Variants in UBXN7 observed in about 807,000 individuals in gnomAD.
UBXN7 encodes the protein UBX domain protein 7.
Under a neutral mutation model 58.0 loss-of-function variants are expected in UBXN7, and 9 were observed. That is an observed-to-expected ratio of 0.16 (90% confidence interval 0.09 to 0.27). UBXN7 has a LOEUF of 0.27. UBXN7 is among the 10% of genes least tolerant of loss of function. UBXN7 has a pLI of 1.00. For synonymous variants in UBXN7, 208 were observed against 205.0 expected (o/e 1.01, Z -0.12); for missense variants, 328 against 599.6 (o/e 0.55, Z 4.73).
At chr3:196,413,335 T>C (rs1042315276) in intron 1 of UBXN7, among the ~76,000 whole-genome samples, 1 of 151,880 alleles carries the variant, frequency 6.6e-6, no homozygotes, top group African/African-American at 2.4e-5. Context: ...CGAAACTCTG[T>C]CTCAAAAAAA....
At chr3:196,414,711 T>G (rs916731365) in intron 1 of UBXN7, 2 of 152,200 alleles carry the variant, frequency 1.3e-5, no homozygotes, top group Non-Finnish European at 2.9e-5. Context: ...TATATACTTT[T>G]CCATTGAGTC....
intron 1 of UBXN7, among the ~76,000 whole-genome samples, chr3:196,410,043 G>A (rs1397816369): frequency 3.3e-5 from 5 of 151,154 alleles, no homozygotes; most frequent in East Asian, 3.9e-4. Flanking sequence ...GGGTTCAAGC[G>A]ATTCTCCTGT....
chr3:196,391,670 G>T, intron 5 of UBXN7, 143 bp downstream of exon 5: 1 of 547,866 alleles, frequency 1.8e-6, no homozygotes, highest in Non-Finnish European at 3.2e-6. Flanking sequence ...AGAGTTCAAG[G>T]CTGCAGTGAG....
chr3:196,416,345 T>G (rs1221062357), intron 1 of UBXN7: 2 of 151,892 alleles, frequency 1.3e-5, no homozygotes, highest in Non-Finnish European at 2.9e-5. Flanking sequence ...GCGGGAGAAT[T>G]ACTTGAACCC....
intron 3 of UBXN7, among the ~76,000 whole-genome samples, chr3:196,401,248 CAAAAAAAAAAA>C (rs35766312): frequency 6.6e-3 from 15 of 2,274 alleles, no homozygotes; most frequent in Non-Finnish European, 0.012. Context: ...CCCGTCTCTC[CAAAAAAAAAAA>C]AAAAAAAAAA....
In UBXN7 at chr3:196,362,441, C is replaced by T; in HGVS notation, c.1081G>A (p.Glu361Lys). 6.2e-7 allele frequency: 1 copy of T among 1,614,168 alleles called. No homozygotes were observed. The highest frequency in any genetic ancestry group is 8.5e-7 in the Non-Finnish European group (1 of 1,180,040). ...GGCTCAGTCAGCGGCCTTCTATTCTCCTCTTTTCTATGCCCCAAATCTTTG... is the reference window on the plus strand; with the variant it reads ...GGCTCAGTCAGCGGCCTTCTATTCTTCTCTTTTCTATGCCCCAAATCTTTG... ...PHKDLGHRKE[E>K]NRRPLTEPPV... Residue 361 changes from glutamate to lysine, a missense_variant, in exon 9 of 11, where the codon GAG becomes AAG. By Grantham distance (56) the Glu-to-Lys change is moderately conservative. This residue lies in a region of UBXN7 where 66 missense variants were observed against 77.9 expected (regional missense o/e 0.85). Transcript: ENST00000296328.
In UBXN7 at chr3:196,393,494, T is replaced by C; in HGVS notation, c.355+60A>G. ...AAGTAATTGGGCCTAATAGTAATCA[T>C]CTTTGTCTTTTTAATAGGAAGAGAA... is the stretch of plus-strand genomic sequence containing the variant. On this transcript the variant is annotated intron_variant, in intron 4 of 10. Transcript: ENST00000296328. The C allele has an allele frequency of 2.0e-6, 3 of 1,512,240 alleles. No individual in the cohort carries two copies. In the South Asian group the frequency reaches 3.6e-5, roughly 18 times the overall value. 93.7% of individuals were successfully genotyped at this position (1,512,240 alleles called of 1,614,324 possible). A position where few individuals can be genotyped will look rare whatever the true frequency, so the allele number is the denominator to read the frequency against.
At chr3:196,378,266 A>G (rs541230014) in intron 5 of UBXN7, among the ~76,000 whole-genome samples, 1 of 152,250 alleles carries the variant, frequency 6.6e-6, no homozygotes, top group South Asian at 2.1e-4. Context: ...TCCAGTTTTT[A>G]ACTAAGCATC....
At chr3:196,415,829 G>A (rs1730464105) in intron 1 of UBXN7, among the ~76,000 whole-genome samples, 1 of 151,342 alleles carries the variant, frequency 6.6e-6, no homozygotes, top group Non-Finnish European at 1.5e-5. Context: ...TTTTAATTTA[G>A]ACAGCAGCTA....
At chr3:196,428,121 C>T (rs1730907199) in intron 1 of UBXN7, among the ~76,000 whole-genome samples, 1 of 149,918 alleles carries the variant, frequency 6.7e-6, no homozygotes, top group Admixed American at 6.6e-5. Context: ...GAAATTCTGT[C>T]GAAAACAAAA....
chr3:196,398,988 T>C (rs1431834982), intron 3 of UBXN7, among the ~76,000 whole-genome samples: 2 of 152,110 alleles, frequency 1.3e-5, no homozygotes, highest in Admixed American at 6.6e-5. Context: ...ACACTCTCAG[T>C]TGTATTGAAG....
intron 7 of UBXN7, 83 bp downstream of exon 7, chr3:196,369,338 C>G: frequency 4.5e-6 from 5 of 1,110,564 alleles, no homozygotes; most frequent in Non-Finnish European, 6.7e-6. Context: ...GAAAACAGAT[C>G]CAGTCAAATA....
chr3:196,427,025 T>G (rs570605074), intron 1 of UBXN7, among the ~76,000 whole-genome samples: 16 of 152,304 alleles, frequency 1.1e-4, no homozygotes, highest in African/African-American at 3.8e-4. Context: ...TGCACAAAGC[T>G]CTATGAATTT....
chr3:196,426,521 T>G (rs1393352841), intron 1 of UBXN7, among the ~76,000 whole-genome samples: 3 of 152,004 alleles, frequency 2.0e-5, no homozygotes, highest in Admixed American at 2.0e-4. Flanking sequence ...TAGTTTAATA[T>G]TAACCCAAGA....
At chr3:196,419,538 C>G (rs1327260670) in intron 1 of UBXN7, among the ~76,000 whole-genome samples, 1 of 152,162 alleles carries the variant, frequency 6.6e-6, no homozygotes, top group Non-Finnish European at 1.5e-5. Context: ...GCCATCTGTT[C>G]CCGTATCATC....
At chr3:196,428,087 G>A (rs926975152) in intron 1 of UBXN7, among the ~76,000 whole-genome samples, 1 of 152,206 alleles carries the variant, frequency 6.6e-6, no homozygotes, top group Admixed American at 6.5e-5. Context: ...TCATGCCACT[G>A]CACTCCAGCC....
intron 1 of UBXN7, among the ~76,000 whole-genome samples, chr3:196,426,933 T>C (rs191970771): frequency 3.9e-5 from 6 of 152,226 alleles, no homozygotes; most frequent in Admixed American, 3.3e-4. Context: ...ATAATAAATA[T>C]GCACTCATCA....
chr3:196,417,866 C>A, intron 1 of UBXN7, among the ~76,000 whole-genome samples: 1 of 149,840 alleles, frequency 6.7e-6, no homozygotes. Context: ...TTTGAGGCTG[C>A]TGTGAGCTAT....
chr3:196,393,841 T>C, intron 3 of UBXN7: 2 of 346,042 alleles, frequency 5.8e-6, no homozygotes, highest in Non-Finnish European at 1.1e-5. Flanking sequence ...ACACTCAAGA[T>C]TCATATGGTG....
Sources: gnomAD v4.1 joint callset for allele counts (sites outside exome capture counted in the v4.1 genomes callset) on GRCh38, gnomAD v4.1.1 for gene constraint, gnomAD v4.1.1 regional missense constraint, MANE v1.5 for transcripts, NCBI Gene and HGNC (gene_info 2026-07-23, HGNC 2026-07-21) for gene names.